GAB3: variants seen among roughly 807,000 people sequenced by gnomAD.
GAB3 encodes the protein GRB2 associated binding protein 3, also known as GRB2-associated-binding protein 3.
GAB3 carries 12 observed loss-of-function variants against 40.4 expected under a neutral mutation model. The ratio of observed to expected loss-of-function variants is 0.30; its 90% confidence interval spans 0.19 to 0.48. GAB3 has a LOEUF of 0.48. Ranked by LOEUF, GAB3 falls within the 20% of genes least tolerant of loss-of-function variation. GAB3 has a pLI of 0.99. For synonymous variants in GAB3, 154 were observed against 176.7 expected (o/e 0.87, Z 1.02); for missense variants, 381 against 461.9 (o/e 0.82, Z 1.61).
At chrX:154,683,447 C>T (rs934141092) in intron 8 of GAB3, among the ~76,000 whole-genome samples, 1 of 111,899 alleles carries the variant, frequency 8.9e-6, no homozygotes, top group Non-Finnish European at 1.9e-5. Context: ...AGTGCAGAGA[C>T]CTTTTGTTTT....
At chrX:154,720,883 G>A (rs1174251314) in intron 1 of GAB3, among the ~76,000 whole-genome samples, 1 of 111,560 alleles carries the variant, frequency 9.0e-6, no homozygotes, top group African/African-American at 3.3e-5. Flanking sequence ...AATAGGTATA[G>A]CCATTAAGCA....
intron 1 of GAB3, among the ~76,000 whole-genome samples, chrX:154,724,496 G>A (rs2071183578): frequency 9.0e-6 from 1 of 111,403 alleles, no homozygotes; most frequent in South Asian, 3.7e-4. Context: ...ACAATGATGA[G>A]CTCTGAGGGC....
At chrX:154,704,153 A>G (rs1290866450) in intron 4 of GAB3, among the ~76,000 whole-genome samples, 1 of 111,238 alleles carries the variant, frequency 9.0e-6, no homozygotes, top group Non-Finnish European at 1.9e-5. Flanking sequence ...ACAGAAAGAC[A>G]AATGTCACAT....
Position 154,691,704 on chromosome X carries a change from AC to A in GAB3, c.1530+4212del, listed in dbSNP as rs1195488465. Among the ~76,000 whole-genome samples the A allele has an allele frequency of 8.1e-5, 9 of 111,709 alleles. No homozygotes were observed. The Admixed American group carries it at 8.6e-4, about 11-fold the overall frequency. On this transcript the variant is annotated intron_variant, in intron 8 of 9. Transcript: ENST00000424127. ...TAAAGTTCACGTGTAATATTAAGTGACCCTTAAATGACAAATCAATCATAAA... is the reference window on the plus strand; with the variant it reads ...TAAAGTTCACGTGTAATATTAAGTGACCTTAAATGACAAATCAATCATAAA...
At chrX:154,733,200 AAT>A (rs1557260150) in intron 1 of GAB3, among the ~76,000 whole-genome samples, 1 of 112,186 alleles carries the variant, frequency 8.9e-6, no homozygotes, top group East Asian at 2.8e-4. Flanking sequence ...ACTGGTCCAG[AAT>A]ATGTCAATAT....
At chrX:154,687,570 C>T (rs2148416885) in intron 8 of GAB3, among the ~76,000 whole-genome samples, 1 of 95,298 alleles carries the variant, frequency 1.0e-5, no homozygotes, top group East Asian at 3.5e-4. Context: ...GGGGGCGGAG[C>T]TTGCAGTGAG....
At chrX:154,679,845 C>T (rs1557246425) in intron 9 of GAB3, among the ~76,000 whole-genome samples, 1 of 111,422 alleles carries the variant, frequency 9.0e-6, no homozygotes, top group Admixed American at 9.5e-5. Context: ...TCTACCCGAC[C>T]CTCATTTCTG....
At chrX:154,718,137 C>T (rs2071074596) in intron 1 of GAB3, among the ~76,000 whole-genome samples, 1 of 110,791 alleles carries the variant, frequency 9.0e-6, no homozygotes, top group Non-Finnish European at 1.9e-5. Flanking sequence ...CCAGCTTTGA[C>T]CAAGAGGCCA....
intron 1 of GAB3, among the ~76,000 whole-genome samples, chrX:154,725,501 G>A (rs2071199888): frequency 9.0e-6 from 1 of 111,063 alleles, no homozygotes; most frequent in African/African-American, 3.3e-5. Flanking sequence ...CTTTCATCCT[G>A]TAAGCACTTT....
At chrX:154,699,684 T>C (rs1557251730) in intron 5 of GAB3, among the ~76,000 whole-genome samples, 171 bp from the exon 6 acceptor site, 1 of 112,546 alleles carries the variant, frequency 8.9e-6, no homozygotes, top group African/African-American at 3.2e-5. Context: ...TCTGGACTTA[T>C]CGTTTTAGTA....
At chrX:154,719,065 G>T (rs73561421) in intron 1 of GAB3, among the ~76,000 whole-genome samples, 1,485 of 111,916 alleles carry the variant, frequency 0.013, 19 homozygotes, top group African/African-American at 0.046. Context: ...GGGATAGGGA[G>T]AAGGGTAGAA....
chrX:154,744,212 C>CAAAAAAAA (rs56796528), intron 1 of GAB3, among the ~76,000 whole-genome samples: 1 of 30,559 alleles, frequency 3.3e-5, no homozygotes, highest in Non-Finnish European at 4.4e-5. Context: ...GATTCCATCT[C>CAAAAAAAA]AAAAAAAAAA....
intron 1 of GAB3, among the ~76,000 whole-genome samples, chrX:154,720,403 T>G (rs139960912): frequency 0.011 from 1,229 of 110,762 alleles, 14 homozygotes; most frequent in African/African-American, 0.039. Context: ...ATTAGAAAAA[T>G]AATTTGTCGT....
intron 4 of GAB3, among the ~76,000 whole-genome samples, chrX:154,705,214 T>C (rs1427687470): frequency 9.0e-6 from 1 of 111,650 alleles, no homozygotes; most frequent in Non-Finnish European, 1.9e-5. Flanking sequence ...CTGATGAACA[T>C]AGATGCAAAA....
intron 4 of GAB3, among the ~76,000 whole-genome samples, chrX:154,707,605 C>T (rs1359553805): frequency 2.7e-5 from 3 of 111,560 alleles, no homozygotes; most frequent in Admixed American, 9.5e-5. Context: ...CACATTGTAA[C>T]GGTGAAATAT....
chrX:154,742,848 C>A (rs1427090427), intron 1 of GAB3, among the ~76,000 whole-genome samples: 1 of 109,880 alleles, frequency 9.1e-6, no homozygotes, highest in African/African-American at 3.3e-5. Flanking sequence ...GGAGTGACTG[C>A]AAATAGGCTA....
At chrX:154,707,027 G>A (rs1315088792) in intron 4 of GAB3, among the ~76,000 whole-genome samples, 1 of 111,177 alleles carries the variant, frequency 9.0e-6, no homozygotes, top group Admixed American at 9.6e-5. Context: ...ATATTGGTAT[G>A]AAAACAGACA....
At chrX:154,707,144 C>T (rs1191469092) in intron 4 of GAB3, among the ~76,000 whole-genome samples, 4 of 111,222 alleles carry the variant, frequency 3.6e-5, no homozygotes, top group African/African-American at 6.5e-5. Flanking sequence ...AAGAAAGTTA[C>T]AGGACAATCT....
chrX:154,683,894 C>A (rs951538111), intron 8 of GAB3, among the ~76,000 whole-genome samples: 1 of 111,615 alleles, frequency 9.0e-6, no homozygotes, highest in Non-Finnish European at 1.9e-5. Context: ...TGGAAGCTTG[C>A]GGTCAATCTT....
Sources: gnomAD v4.1 joint callset for allele counts (sites outside exome capture counted in the v4.1 genomes callset) on GRCh38, gnomAD v4.1.1 for gene constraint, MANE v1.5 for transcripts, NCBI Gene and HGNC (gene_info 2026-07-23, HGNC 2026-07-21) for gene names.